STXBP5: variants seen among roughly 807,000 people sequenced by gnomAD.
STXBP5 encodes syntaxin binding protein 5, also known as syntaxin-binding protein 5.
Under a neutral mutation model 152.4 loss-of-function variants are expected in STXBP5, and 50 were observed. The ratio of observed to expected loss-of-function variants is 0.33; its 90% CI spans 0.26 to 0.42. The LOEUF (loss-of-function observed/expected upper bound fraction) is 0.42, where lower values mean the gene tolerates loss of function less well. STXBP5 is among the 10% of genes least tolerant of loss of function. The pLI is 1.00. For synonymous variants in STXBP5, 492 were observed against 494.7 expected (o/e 0.99, Z 0.07); for missense variants, 1,167 against 1,388.6 (o/e 0.84, Z 2.54).
At chr6:147,355,134 C>T (rs1784758684) in intron 22 of STXBP5, among the ~76,000 whole-genome samples, 1 of 152,138 alleles carries the variant, frequency 6.6e-6, no homozygotes, top group Admixed American at 6.6e-5. Context: ...ACCCAGAAGT[C>T]AGAATCCATG....
At chr6:147,213,360 CT>C (rs557593081) in intron 2 of STXBP5, among the ~76,000 whole-genome samples, 74 of 151,036 alleles carry the variant, frequency 4.9e-4, no homozygotes, top group African/African-American at 1.8e-3. Context: ...CTCAAACGAT[CT>C]TCCTGCCTCA....
chr6:147,244,964 A>G (rs1422656792), intron 4 of STXBP5, among the ~76,000 whole-genome samples: 1 of 127,678 alleles, frequency 7.8e-6, no homozygotes, highest in Non-Finnish European at 1.7e-5. Flanking sequence ...TCATATTTAT[A>G]CTGCTTGAGG....
At chr6:147,381,801 T>C (rs1170101796) in intron 26 of STXBP5, among the ~76,000 whole-genome samples, 2 of 152,084 alleles carry the variant, frequency 1.3e-5, no homozygotes, top group Non-Finnish European at 2.9e-5. Flanking sequence ...ATTGTATGAA[T>C]CCATTTAAAT....
At chr6:147,257,704 C>G (rs1033135900) in intron 4 of STXBP5, among the ~76,000 whole-genome samples, 4 of 152,166 alleles carry the variant, frequency 2.6e-5, no homozygotes, top group African/African-American at 9.7e-5. Context: ...CTTGTTAACT[C>G]TAGAACTATA....
chr6:147,346,505 G>A (rs1204676307), intron 21 of STXBP5, among the ~76,000 whole-genome samples: 1 of 152,082 alleles, frequency 6.6e-6, no homozygotes, highest in Non-Finnish European at 1.5e-5. Context: ...TTGGGAGGCC[G>A]AGGTGGGTGG....
intron 21 of STXBP5, chr6:147,352,015 C>A (rs920592790): frequency 1.6e-5 from 4 of 243,884 alleles, no homozygotes; most frequent in Non-Finnish European, 2.6e-5. Flanking sequence ...GCATGCACTA[C>A]CACTAACATA....
intron 1 of STXBP5, among the ~76,000 whole-genome samples, chr6:147,205,371 C>CATATATATATATATATAT (rs66619063): frequency 1.4e-3 from 201 of 141,878 alleles, no homozygotes; most frequent in Middle Eastern, 3.7e-3. Flanking sequence ...TAAAAGTGTG[C>CATATATATATATATATAT]ATATATATAT....
rs1008379693 is a variant in STXBP5 at position 147,204,916 on chromosome 6, A to C, written c.150+234A>C. 1.3e-5 allele frequency among the ~76,000 whole-genome samples: 2 copies of C among 152,188 alleles called. No homozygotes were observed. The highest frequency in any genetic ancestry group is 1.5e-5 in the Non-Finnish European group (1 of 68,030). ...TCTCTCTCCCCTTTGCACATGCAGC[A>C]ATCAGTTCAAGGTTGCTTCAAACTA... is the stretch of plus-strand genomic sequence containing the variant. On this transcript the variant is annotated intron_variant, in intron 1 of 27. Coordinates refer to ENST00000321680, the MANE Select transcript of STXBP5 (RefSeq NM_001127715.4). This position sits in a 1 kb window ranked among gnomAD's most constrained non-coding sequence, Gnocchi z 4.3.
chr6:147,212,672 T>TA (rs960991004), intron 2 of STXBP5, among the ~76,000 whole-genome samples: 12 of 152,210 alleles, frequency 7.9e-5, no homozygotes, highest in African/African-American at 2.9e-4. Context: ...AATGAAGTGT[T>TA]AGACTCCATA....
intron 7 of STXBP5, among the ~76,000 whole-genome samples, chr6:147,269,293 C>T (rs1463657272): frequency 2.0e-5 from 3 of 151,986 alleles, no homozygotes; most frequent in Non-Finnish European, 4.4e-5. Context: ...ACTAAACTAG[C>T]CCTATACTAA....
intron 2 of STXBP5, among the ~76,000 whole-genome samples, chr6:147,221,541 GT>G (rs570695545): frequency 0.01 from 1,432 of 143,164 alleles, 19 homozygotes; most frequent in African/African-American, 0.031. Flanking sequence ...CAGAATTCCA[GT>G]TTTTTTTTTT....
chr6:147,214,180 GTTTA>G (rs1422423298), intron 2 of STXBP5, among the ~76,000 whole-genome samples: 1 of 152,106 alleles, frequency 6.6e-6, no homozygotes, highest in African/African-American at 2.4e-5. Flanking sequence ...CATTTCTGAT[GTTTA>G]TTAGCAGTAA....
chr6:147,226,921 G>A (rs1190404811), intron 2 of STXBP5, among the ~76,000 whole-genome samples: 1 of 152,112 alleles, frequency 6.6e-6, no homozygotes, highest in African/African-American at 2.4e-5. Flanking sequence ...CGAACATGGA[G>A]GGTAATTAGG....
chr6:147,234,081 C>T (rs941150588), intron 2 of STXBP5, among the ~76,000 whole-genome samples: 2 of 151,590 alleles, frequency 1.3e-5, no homozygotes, highest in Non-Finnish European at 3.0e-5. Context: ...AGAATTAAAC[C>T]TATGGCACAA....
intron 4 of STXBP5, among the ~76,000 whole-genome samples, chr6:147,245,359 A>G (rs747895451): frequency 1.8e-4 from 27 of 152,320 alleles, no homozygotes; most frequent in Middle Eastern, 3.4e-3. Context: ...AAAGTTGAGG[A>G]AAAACATACA....
intron 18 of STXBP5, among the ~76,000 whole-genome samples, chr6:147,329,889 A>G (rs1031108886): frequency 3.3e-5 from 5 of 151,936 alleles, no homozygotes; most frequent in Non-Finnish European, 7.4e-5. Context: ...GGCCTCCCAA[A>G]GTGCTGGGAT....
At chr6:147,319,074 G>A (rs1207386910) in intron 16 of STXBP5, among the ~76,000 whole-genome samples, 1 of 151,948 alleles carries the variant, frequency 6.6e-6, no homozygotes, top group Non-Finnish European at 1.5e-5. Flanking sequence ...TGCCCTCACA[G>A]GGTAACAGAC....
chr6:147,209,060 C>T (rs1193100452), intron 2 of STXBP5, among the ~76,000 whole-genome samples: 1 of 152,004 alleles, frequency 6.6e-6, no homozygotes, highest in African/African-American at 2.4e-5. Context: ...TGATTTACTA[C>T]TAAAATTTCA....
At chr6:147,281,339 T>A in intron 8 of STXBP5, among the ~76,000 whole-genome samples, 1 of 152,062 alleles carries the variant, frequency 6.6e-6, no homozygotes, top group East Asian at 1.9e-4. Context: ...ATTACAGGCA[T>A]GAGCCACCAT....
Sources: gnomAD v4.1 joint callset for allele counts (sites outside exome capture counted in the v4.1 genomes callset) on GRCh38, gnomAD v4.1.1 for gene constraint, Gnocchi (gnomAD v3.1) non-coding constraint, MANE v1.5 for transcripts, NCBI Gene and HGNC (gene_info 2026-07-23, HGNC 2026-07-21) for gene names.